The following GTF2E1 variants were observed in gnomAD, a reference collection of about 807,000 sequenced individuals.
GTF2E1 encodes the protein general transcription factor IIE subunit 1.
A neutral mutation model predicts 34.9 loss-of-function variants in GTF2E1; 14 were observed. The ratio of observed to expected loss-of-function variants is 0.40; its 90% confidence interval spans 0.27 to 0.63. The LOEUF is 0.63. Ranked by LOEUF, GTF2E1 falls within the 20% of genes least tolerant of loss-of-function variation. The pLI, the probability that GTF2E1 is intolerant of heterozygous loss-of-function variation, is 0.39. For synonymous variants in GTF2E1, 188 were observed against 192.9 expected (o/e 0.97, Z 0.21); for missense variants, 469 against 557.7 (o/e 0.84, Z 1.60).
rs1441955341 is a variant in GTF2E1, at chr3:120,781,268, C to T, written c.1118C>T (p.Ala373Val). ...TCTCCACCCCGTCCGGCAGCTGTGGCTGTGCATAAACGAGAAGAGGATGAA... is the reference window on the plus strand; with the variant it reads ...TCTCCACCCCGTCCGGCAGCTGTGGTTGTGCATAAACGAGAAGAGGATGAA... ...DDSPPRPAAV[A>V]VHKREEDEEE... is the part of the protein sequence containing the mutation. The change falls in exon 5 of 5, where the codon GCT becomes GTT. Residue 373 changes from alanine (A) to valine (V), a missense_variant. Physicochemically the swap from Ala to Val is moderately conservative, Grantham distance 64. Coordinates refer to ENST00000283875, the MANE Select transcript of GTF2E1 (RefSeq NM_005513.3). 2 of 1,614,106 alleles carry T rather than the reference C, an allele frequency of 1.2e-6. No individual in the cohort carries two copies. The highest frequency in any genetic ancestry group is 4.5e-5 in the East Asian group (2 of 44,862).
Position 120,783,000 on chromosome 3 carries a change from TG to T in GTF2E1, c.*1532del, listed in dbSNP as rs1299406350. 4 of 152,208 alleles carry T rather than the reference TG, an allele frequency of 2.6e-5. No homozygotes were observed. Among genetic ancestry groups the T allele is most frequent in the African/African-American group, 7.2e-5 (3 of 41,460 alleles). 9.4% of individuals were successfully genotyped at this position (152,208 alleles called of 1,614,324 possible). On this transcript the variant is annotated 3_prime_UTR_variant, in exon 5 of 5. Transcript: ENST00000283875. ...ATGTAAAGAATATATGAGCCTTGTA[TG>T]GAGTGATGTTTCATTTACCTGGGTT... is the stretch of plus-strand genomic sequence containing the variant.
chr3:120,754,932 G>T (rs964730835), intron 2 of GTF2E1, among the ~76,000 whole-genome samples: 1 of 152,076 alleles, frequency 6.6e-6, no homozygotes, highest in South Asian at 2.1e-4. Context: ...GGATTTGGAG[G>T]ATCGCATAAT....
intron 2 of GTF2E1, among the ~76,000 whole-genome samples, chr3:120,762,517 T>G (rs1709273085): frequency 6.6e-6 from 1 of 152,260 alleles, no homozygotes; most frequent in African/African-American, 2.4e-5. Context: ...AATACTTTAT[T>G]AAAACAGCTT....
intron 2 of GTF2E1, among the ~76,000 whole-genome samples, chr3:120,752,061 T>C (rs945348815): frequency 6.6e-6 from 1 of 152,196 alleles, no homozygotes; most frequent in East Asian, 1.9e-4. Flanking sequence ...ATTAAGATTA[T>C]TGACAAAAAG....
At chr3:120,745,664 A>G (rs1333420987) in intron 1 of GTF2E1, among the ~76,000 whole-genome samples, 1 of 152,234 alleles carries the variant, frequency 6.6e-6, no homozygotes, top group Non-Finnish European at 1.5e-5. Context: ...AGAATACAAT[A>G]GTAGGAAATA....
chr3:120,747,946 C>T (rs1318225484), intron 1 of GTF2E1, among the ~76,000 whole-genome samples: 4 of 152,110 alleles, frequency 2.6e-5, no homozygotes, highest in Non-Finnish European at 5.9e-5. Context: ...GCCATTCTAA[C>T]TGGTGTGAGA....
intron 2 of GTF2E1, among the ~76,000 whole-genome samples, chr3:120,753,023 G>T (rs1304261293): frequency 6.6e-6 from 1 of 152,046 alleles, no homozygotes; most frequent in Non-Finnish European, 1.5e-5. Flanking sequence ...TTATTGTAAC[G>T]TGGCTTTTCA....
At chr3:120,773,891 C>A (rs1175141810) in intron 3 of GTF2E1, among the ~76,000 whole-genome samples, 2 of 152,124 alleles carry the variant, frequency 1.3e-5, no homozygotes, top group Non-Finnish European at 2.9e-5. Context: ...ATACTAAAAA[C>A]AAAAGACTTT....
intron 2 of GTF2E1, among the ~76,000 whole-genome samples, chr3:120,760,099 C>G (rs1163886331): frequency 6.6e-6 from 1 of 152,054 alleles, no homozygotes; most frequent in African/African-American, 2.4e-5. Flanking sequence ...TTTGTGTCCT[C>G]TTTTATTTCG....
intron 3 of GTF2E1, among the ~76,000 whole-genome samples, chr3:120,774,090 A>T (rs1429431391): frequency 6.6e-6 from 1 of 152,172 alleles, no homozygotes; most frequent in Non-Finnish European, 1.5e-5. Context: ...AGAGTGAGTG[A>T]GTCATTTAAG....
In GTF2E1 at chr3:120,761,674, A is replaced by T. The variant is rs528835034; in HGVS notation, c.449-9054A>T. Among the ~76,000 whole-genome samples the T allele has an allele frequency of 1.5e-3, 225 of 150,570 alleles. 1 individual carries two copies. Among genetic ancestry groups the T allele is most frequent in the Non-Finnish European group, 1.9e-3 (130 of 67,810 alleles). ...TCTTTATTTCTGCCTTCATTTCATT[A>T]TTTACCCAGTAGTCATTCAGGAGCA... On this transcript the variant is annotated intron_variant, in intron 2 of 4. Transcript: ENST00000283875.
intron 2 of GTF2E1, among the ~76,000 whole-genome samples, chr3:120,760,294 G>C (rs1709248834): frequency 6.6e-6 from 1 of 152,190 alleles, no homozygotes; most frequent in African/African-American, 2.4e-5. Context: ...CTGAGACTTT[G>C]CTGAAATTGC....
Position 120,781,714 on chromosome 3 carries a change from T to C in GTF2E1, c.*244T>C. 1 of 367,488 alleles carries C rather than the reference T, an allele frequency of 2.7e-6. No individual in the cohort carries two copies. Among genetic ancestry groups the C allele is most frequent in the Non-Finnish European group, 4.7e-6 (1 of 210,712 alleles). 22.8% of individuals were successfully genotyped at this position (367,488 alleles called of 1,614,324 possible). On this transcript the variant is annotated 3_prime_UTR_variant, in exon 5 of 5. Coordinates refer to ENST00000283875, the MANE Select transcript of GTF2E1 (RefSeq NM_005513.3). Reference sequence around the variant, plus strand: ...ATTAATATTTTACTGTATTTTCTTTTCTTTTTTTTTTTTTTTTGGAGATGA... The same window carrying C: ...ATTAATATTTTACTGTATTTTCTTTCCTTTTTTTTTTTTTTTTGGAGATGA...
chr3:120,744,585 A>G (rs1709088949), intron 1 of GTF2E1, among the ~76,000 whole-genome samples: 1 of 152,180 alleles, frequency 6.6e-6, no homozygotes, highest in Non-Finnish European at 1.5e-5. Flanking sequence ...ACAGAGAGCT[A>G]TTTAAGATTT....
rs151052865 is a variant in GTF2E1 at position 120,768,759 on chromosome 3, A to C, written c.449-1969A>C. On this transcript the variant is annotated intron_variant, in intron 2 of 4. Coordinates refer to ENST00000283875, the MANE Select transcript of GTF2E1 (RefSeq NM_005513.3). ...TGATTATATTCCTTGCTTCTGTTGA[A>C]GAGAAGAGGCTGAGACAGCTTGGAA... 2.3e-3 allele frequency among the ~76,000 whole-genome samples: 357 copies of C among 152,302 alleles called. 1 individual carries two copies. The highest frequency in any genetic ancestry group is 8.0e-3 in the African/African-American group (331 of 41,558).
chr3:120,747,840 T>C (rs951456319), intron 1 of GTF2E1, among the ~76,000 whole-genome samples: 1 of 152,214 alleles, frequency 6.6e-6, no homozygotes, highest in Admixed American at 6.5e-5. Context: ...TCCACAAGGG[T>C]TGAACTAGTT....
At chr3:120,768,341 C>G (rs1215140902) in intron 2 of GTF2E1, among the ~76,000 whole-genome samples, 1 of 152,092 alleles carries the variant, frequency 6.6e-6, no homozygotes, top group Non-Finnish European at 1.5e-5. Context: ...CACAGCAGTG[C>G]AAAGGCTCTG....
At chr3:120,772,658 C>T (rs1157574772) in intron 3 of GTF2E1, among the ~76,000 whole-genome samples, 1 of 152,046 alleles carries the variant, frequency 6.6e-6, no homozygotes, top group Non-Finnish European at 1.5e-5. Flanking sequence ...TTGAAGTATG[C>T]GTCAGTGTAG....
At chr3:120,779,305 T>G (rs913630855) in intron 4 of GTF2E1, among the ~76,000 whole-genome samples, 1 of 152,248 alleles carries the variant, frequency 6.6e-6, no homozygotes, top group Non-Finnish European at 1.5e-5. Flanking sequence ...GAACATTCTT[T>G]TAGAAGCAAT....
Sources: allele counts gnomAD v4.1 joint callset (sites outside exome capture counted in the v4.1 genomes callset), GRCh38; gene constraint gnomAD v4.1.1; transcripts MANE v1.5; gene names NCBI Gene and HGNC (gene_info 2026-07-23, HGNC 2026-07-21).